Variants in CFAP299 observed in about 807,000 individuals in gnomAD.
CFAP299 encodes the protein cilia and flagella associated protein 299.
Under a neutral mutation model 27.0 loss-of-function variants are expected in CFAP299, and 21 were observed. The ratio of observed to expected loss-of-function variants is 0.78; its 90% CI spans 0.55 to 1.12. The LOEUF is 1.12. Among genes scored for constraint, CFAP299 ranks in the 50% most tolerant of loss-of-function variants. CFAP299 has a pLI of 0.00. For missense variants in CFAP299, 310 were observed against 276.6 expected (o/e 1.12, Z -0.86); for synonymous variants, 104 against 98.1 (o/e 1.06, Z -0.36).
chr4:80,774,633 T>C (rs538576192), intron 3 of CFAP299, among the ~76,000 whole-genome samples: 9 of 151,976 alleles, frequency 5.9e-5, no homozygotes, highest in Non-Finnish European at 1.2e-4. Context: ...AATATAAATA[T>C]ATATTGTGAT....
upstream of CFAP299, among the ~76,000 whole-genome samples, chr4:80,332,744 G>T (rs1000049664): frequency 6.6e-6 from 1 of 152,172 alleles, no homozygotes; most frequent in African/African-American, 2.4e-5. Flanking sequence ...GTAGGGCAAT[G>T]CTGGGCACCT....
chr4:80,855,004 T>TA (rs1731762256), intron 3 of CFAP299, among the ~76,000 whole-genome samples: 1 of 151,972 alleles, frequency 6.6e-6, no homozygotes, highest in African/African-American at 2.4e-5. Flanking sequence ...ACAAGCATAC[T>TA]AAAATACGAT....
intron 2 of CFAP299, among the ~76,000 whole-genome samples, chr4:80,396,672 G>C (rs1485563948): frequency 6.6e-6 from 1 of 152,058 alleles, no homozygotes; most frequent in Non-Finnish European, 1.5e-5. Context: ...TTTATATGCT[G>C]GATTACGTTT....
chr4:80,728,071 T>G (rs1376383842), intron 3 of CFAP299, among the ~76,000 whole-genome samples: 3 of 151,998 alleles, frequency 2.0e-5, no homozygotes, highest in Non-Finnish European at 4.4e-5. Flanking sequence ...TCTGAAACAT[T>G]GCAATTTCAA....
intron 4 of CFAP299, among the ~76,000 whole-genome samples, chr4:80,923,405 A>G (rs1185440532): frequency 6.6e-6 from 1 of 152,020 alleles, no homozygotes; most frequent in Non-Finnish European, 1.5e-5. Context: ...TTGAGCACAT[A>G]TATGCCAGTA....
intron 2 of CFAP299, among the ~76,000 whole-genome samples, chr4:80,496,571 T>C (rs535105394): frequency 6.6e-6 from 1 of 152,224 alleles, no homozygotes; most frequent in Non-Finnish European, 1.5e-5. Flanking sequence ...CTTTCCCTGA[T>C]CTTCCTAGCT....
intron 2 of CFAP299, among the ~76,000 whole-genome samples, chr4:80,483,151 G>T (rs1011587834): frequency 2.6e-5 from 4 of 152,212 alleles, no homozygotes; most frequent in African/African-American, 4.8e-5. Flanking sequence ...AGAGGCCAGG[G>T]TTGTTTGATG....
chr4:80,949,520 A>G (rs1194656541), intron 5 of CFAP299, among the ~76,000 whole-genome samples: 3 of 139,780 alleles, frequency 2.1e-5, no homozygotes, highest in African/African-American at 7.8e-5. Context: ...AACTTAAAGT[A>G]TAATAAAATT....
chr4:80,787,732 A>G (rs917334324), intron 3 of CFAP299, among the ~76,000 whole-genome samples: 4 of 152,030 alleles, frequency 2.6e-5, no homozygotes, highest in Admixed American at 1.3e-4. Flanking sequence ...ATATGGGTAG[A>G]CTACAGCCCA....
chr4:80,564,008 A>G (rs1213595364), intron 2 of CFAP299, among the ~76,000 whole-genome samples: 1 of 152,066 alleles, frequency 6.6e-6, no homozygotes, highest in African/African-American at 2.4e-5. Context: ...ACCTGAACAG[A>G]TCAATAAGTA....
chr4:80,852,098 A>T (rs1015128761), intron 3 of CFAP299, among the ~76,000 whole-genome samples: 2 of 152,112 alleles, frequency 1.3e-5, no homozygotes, highest in Non-Finnish European at 2.9e-5. Context: ...ACATTTTTGT[A>T]TTGTACCTTT....
chr4:80,491,501 A>G (rs976921308), intron 2 of CFAP299, among the ~76,000 whole-genome samples: 1 of 152,170 alleles, frequency 6.6e-6, no homozygotes, highest in African/African-American at 2.4e-5. Context: ...TTCTCTATTT[A>G]AAGGAATTTT....
At chr4:80,786,454 C>T (rs1166060247) in intron 3 of CFAP299, among the ~76,000 whole-genome samples, 2 of 152,080 alleles carry the variant, frequency 1.3e-5, no homozygotes, top group East Asian at 1.9e-4. Flanking sequence ...TTGCTACGTA[C>T]GTGCTTCTCC....
At chr4:80,375,453 A>G (rs1210169470) in intron 2 of CFAP299, among the ~76,000 whole-genome samples, 1 of 152,244 alleles carries the variant, frequency 6.6e-6, no homozygotes. Flanking sequence ...CTGTCTGCAC[A>G]TGACTTCATT....
chr4:80,871,263 A>G (rs760886617), intron 4 of CFAP299: 6 of 985,386 alleles, frequency 6.1e-6, no homozygotes, highest in Non-Finnish European at 7.2e-6. Flanking sequence ...ATAACATTTC[A>G]TTTAACTTCT....
intron 4 of CFAP299, among the ~76,000 whole-genome samples, chr4:80,894,679 C>T (rs752261922): frequency 1.3e-5 from 2 of 151,830 alleles, no homozygotes; most frequent in Non-Finnish European, 1.5e-5. Context: ...TCCAACAATT[C>T]GACTTCTGCA....
chr4:80,725,986 T>G (rs1723138714), intron 3 of CFAP299, among the ~76,000 whole-genome samples: 1 of 152,196 alleles, frequency 6.6e-6, no homozygotes. Context: ...GTGCTTCTAA[T>G]TTTCTTTCAC....
At chr4:80,621,076 C>A (rs191059331) in intron 3 of CFAP299, among the ~76,000 whole-genome samples, 1 of 152,008 alleles carries the variant, frequency 6.6e-6, no homozygotes, top group African/African-American at 2.4e-5. Flanking sequence ...TAATAGATTC[C>A]CAGTGGATAT....
At chr4:80,834,254 AT>A (rs1439699583) in intron 3 of CFAP299, among the ~76,000 whole-genome samples, 1 of 152,190 alleles carries the variant, frequency 6.6e-6, no homozygotes, top group Middle Eastern at 3.2e-3. Context: ...TGTCTGAAAG[AT>A]TCCATGTGAG....
Sources: allele counts gnomAD v4.1 joint callset (sites outside exome capture counted in the v4.1 genomes callset), GRCh38; gene constraint gnomAD v4.1.1; transcripts MANE v1.5; gene names NCBI Gene and HGNC (gene_info 2026-07-23, HGNC 2026-07-21).